Variants in KLF12 observed in about 807,000 individuals in gnomAD.
KLF12 encodes Krueppel-like factor 12.
Under a neutral mutation model 37.8 loss-of-function variants are expected in KLF12, and 9 were observed. That is an observed-to-expected ratio of 0.24 (90% confidence interval 0.14 to 0.42). KLF12 has a LOEUF of 0.42. Ranked by LOEUF, KLF12 falls within the 10% of genes least tolerant of loss-of-function variation. The probability of loss-of-function intolerance (pLI) is 1.00; values close to 1 mark genes in which losing one functional copy is unlikely to be tolerated. For missense variants in KLF12, 411 were observed against 516.0 expected (o/e 0.80, Z 1.97); for synonymous variants, 208 against 202.1 (o/e 1.03, Z -0.25).
At chr13:73,777,828 C>CT (rs987229513) in intron 5 of KLF12, among the ~76,000 whole-genome samples, 6 of 151,376 alleles carry the variant, frequency 4.0e-5, no homozygotes, top group East Asian at 2.0e-4. Context: ...CTTACTCTGT[C>CT]TTTTTTTTAA....
At chr13:74,165,379 C>T in the KLF12 span, among the ~76,000 whole-genome samples, 3 of 148,300 alleles carry the variant, frequency 2.0e-5, no homozygotes, top group African/African-American at 7.5e-5. Flanking sequence ...TGACTCACTG[C>T]AGCCTCACCT....
intron 4 of KLF12, among the ~76,000 whole-genome samples, chr13:73,831,763 T>C (rs1160652585): frequency 1.3e-5 from 2 of 152,188 alleles, no homozygotes; most frequent in Non-Finnish European, 2.9e-5. Flanking sequence ...GATGAGAATC[T>C]CAGGAGGTAT....
chr13:73,849,797 G>A (rs1188781594), intron 3 of KLF12, among the ~76,000 whole-genome samples: 1 of 152,104 alleles, frequency 6.6e-6, no homozygotes, highest in Non-Finnish European at 1.5e-5. Context: ...ACTAAGTGGG[G>A]TTTTTTTGTT....
At chr13:74,209,638 A>T in the KLF12 span, among the ~76,000 whole-genome samples, 3 of 152,118 alleles carry the variant, frequency 2.0e-5, no homozygotes, top group Non-Finnish European at 4.4e-5. Context: ...GTGTGATCTT[A>T]GACAATCTTA....
chr13:74,030,470 C>T (rs1203351352), intron 1 of KLF12, among the ~76,000 whole-genome samples: 1 of 152,052 alleles, frequency 6.6e-6, no homozygotes, highest in African/African-American at 2.4e-5. Context: ...GAGGATATTT[C>T]ACCCTACCTT....
intron 6 of KLF12, among the ~76,000 whole-genome samples, chr13:73,759,238 C>T (rs922466821): frequency 6.6e-6 from 1 of 152,080 alleles, no homozygotes; most frequent in Non-Finnish European, 1.5e-5. Flanking sequence ...TTTGCCAACA[C>T]GCATGGCTTA....
intron 5 of KLF12, among the ~76,000 whole-genome samples, chr13:73,785,322 C>G (rs535254840): frequency 1.9e-4 from 29 of 152,054 alleles, no homozygotes; most frequent in Non-Finnish European, 3.2e-4. Flanking sequence ...CTATGTTATC[C>G]AGGCTGGTCT....
rs1261502478 is a variant in KLF12 at position 74,060,506 on chromosome 13, G to GTT, written c.-31-65454_-31-65453insAA. Among the ~76,000 whole-genome samples the GTT allele has an allele frequency of 4.0e-3, 610 of 150,778 alleles. 1 individual carries two copies. Among genetic ancestry groups the GTT allele is most frequent in the Non-Finnish European group, 7.5e-3 (505 of 67,506 alleles). On this transcript the variant is annotated intron_variant, in intron 1 of 7. Coordinates refer to ENST00000377669, the MANE Select transcript of KLF12 (RefSeq NM_007249.5). ...GTTTTGTGTGTGTGTGTGTGTGTGT[G>GTT]TGTGTGTGTGTGTGTGTGTGTGTGT...
chr13:74,225,352 C>T, the KLF12 span, among the ~76,000 whole-genome samples: 5 of 152,222 alleles, frequency 3.3e-5, no homozygotes, highest in South Asian at 2.1e-4. Context: ...ACCTTAAGGA[C>T]GTTAGCTGTT....
chr13:73,844,093 T>A (rs1373078641), intron 4 of KLF12, among the ~76,000 whole-genome samples: 1 of 152,110 alleles, frequency 6.6e-6, no homozygotes, highest in Non-Finnish European at 1.5e-5. Context: ...AACATTAATA[T>A]CTTTATTAAT....
intron 2 of KLF12, among the ~76,000 whole-genome samples, chr13:73,974,233 AACAG>A (rs1379616314): frequency 6.6e-6 from 1 of 151,986 alleles, no homozygotes; most frequent in African/African-American, 2.4e-5. Flanking sequence ...AGATTGAAAT[AACAG>A]ACAGTGTTCC....
At chr13:73,864,240 A>G (rs1409074319) in intron 3 of KLF12, among the ~76,000 whole-genome samples, 1 of 152,138 alleles carries the variant, frequency 6.6e-6, no homozygotes, top group Non-Finnish European at 1.5e-5. Flanking sequence ...TGATTTGTAT[A>G]AAGTGACATA....
At chr13:73,732,249 A>C (rs763455690) in intron 6 of KLF12, among the ~76,000 whole-genome samples, 1 of 151,288 alleles carries the variant, frequency 6.6e-6, no homozygotes, top group African/African-American at 2.4e-5. Flanking sequence ...ACACCTGGCT[A>C]ATTTTTTTTT....
At chr13:73,756,639 T>A (rs917870139) in intron 6 of KLF12, among the ~76,000 whole-genome samples, 41 of 152,288 alleles carry the variant, frequency 2.7e-4, no homozygotes, top group African/African-American at 9.4e-4. Flanking sequence ...TAGGGCAAAT[T>A]GATGGTTCTA....
chr13:73,964,259 G>C (rs557100675), intron 2 of KLF12, among the ~76,000 whole-genome samples: 1 of 152,260 alleles, frequency 6.6e-6, no homozygotes, highest in Non-Finnish European at 1.5e-5. Flanking sequence ...GAGACATAAA[G>C]AGTCCACAAG....
At chr13:73,888,099 C>T (rs1365193407) in intron 3 of KLF12, among the ~76,000 whole-genome samples, 2 of 151,884 alleles carry the variant, frequency 1.3e-5, no homozygotes, top group Non-Finnish European at 2.9e-5. Flanking sequence ...GCACCCTAGA[C>T]TCAAGCGATC....
At chr13:74,090,943 AAG>A (rs1432395607) in intron 1 of KLF12, among the ~76,000 whole-genome samples, 10 of 151,908 alleles carry the variant, frequency 6.6e-5, no homozygotes, top group African/African-American at 1.7e-4. Context: ...AAAAAAAAAA[AAG>A]AAAGTAAGAA....
intron 2 of KLF12, among the ~76,000 whole-genome samples, chr13:73,950,575 G>A (rs1442446515): frequency 1.3e-5 from 2 of 152,144 alleles, no homozygotes; most frequent in Non-Finnish European, 1.5e-5. Flanking sequence ...CTACTTGCCC[G>A]TCATTCCATT....
chr13:73,984,825 T>C (rs888824857), intron 2 of KLF12, among the ~76,000 whole-genome samples: 1 of 152,228 alleles, frequency 6.6e-6, no homozygotes, highest in African/African-American at 2.4e-5. Context: ...CTGTAGCTGA[T>C]GCTGTTTTCC....
Sources: gnomAD v4.1 joint callset for allele counts (sites outside exome capture counted in the v4.1 genomes callset) on GRCh38, gnomAD v4.1.1 for gene constraint, MANE v1.5 for transcripts, NCBI Gene and HGNC (gene_info 2026-07-23, HGNC 2026-07-21) for gene names.